The following AP3D1 variants were observed in gnomAD, a reference collection of about 807,000 sequenced individuals.
AP3D1 encodes the protein adaptor related protein complex 3 subunit delta 1.
AP3D1 carries 51 observed loss-of-function variants against 147.6 expected under a neutral mutation model. The observed-to-expected ratio is 0.35, with a 90% CI of 0.28 to 0.44. The LOEUF is 0.44. Among genes scored for constraint, AP3D1 ranks in the 20% least tolerant of loss-of-function variants. AP3D1 has a pLI of 1.00. For synonymous variants in AP3D1, 760 were observed against 663.0 expected (o/e 1.15, Z -2.25); for missense variants, 1,421 against 1,624.2 (o/e 0.87, Z 2.15).
At chr19:2,105,607 G>A (rs1357894059) in intron 31 of AP3D1, among the ~76,000 whole-genome samples, 1 of 150,638 alleles carries the variant, frequency 6.6e-6, no homozygotes, top group Non-Finnish European at 1.5e-5. Flanking sequence ...ATCTCTGTTC[G>A]GGGCTCTCAG....
In AP3D1 at chr19:2,163,491, CTT is replaced by C. The variant is rs34647490; in HGVS notation, c.-103+863_-103+864del. ...ACAGGGGTGAATCACCGCGCCTGGC[CTT>C]TTTTTTTTTTTTTGTACCCAATAAA... On this transcript the variant is annotated intron_variant, in intron 1 of 14. Coordinates refer to the AP3D1 transcript ENST00000643010. Among the ~76,000 whole-genome samples, 518 of 141,074 alleles carry C rather than the reference CTT, an allele frequency of 3.7e-3. 1 individual carries two copies. The highest frequency in any genetic ancestry group is 9.5e-3 in the African/African-American group (368 of 38,580). The allele number at this position is 141,074 out of a possible 152,430, so 92.6% of individuals were successfully genotyped here.
chr19:2,118,978 C>T, intron 14 of AP3D1, 146 bp from the exon 15 acceptor site: 3 of 717,562 alleles, frequency 4.2e-6, no homozygotes, highest in East Asian at 2.7e-5. Flanking sequence ...GGGGCTGAGA[C>T]ACGAAGTAGA....
At chr19:2,114,677 A>C in intron 21 of AP3D1, 71 bp downstream of exon 21, 1 of 832,812 alleles carries the variant, frequency 1.2e-6, no homozygotes, top group Non-Finnish European at 1.8e-6. Context: ...CCCCACCCGG[A>C]AGGGAGGACG....
At chr19:2,116,496 C>T (rs977661351) in intron 17 of AP3D1, 109 bp downstream of exon 17, 8 of 1,401,338 alleles carry the variant, frequency 5.7e-6, no homozygotes, top group Non-Finnish European at 7.5e-6. Context: ...CCCATGCCTC[C>T]ACTGCCAGGG....
chr19:2,111,480 G>A (rs2018275204), intron 25 of AP3D1, 148 bp from the exon 26 acceptor site: 9 of 1,244,374 alleles, frequency 7.2e-6, no homozygotes, highest in South Asian at 4.3e-5. Flanking sequence ...AGGGATCCCC[G>A]GCTCCCAGGA....
chr19:2,147,022 A>G (rs1268758169), intron 1 of AP3D1, among the ~76,000 whole-genome samples: 3 of 152,162 alleles, frequency 2.0e-5, no homozygotes, highest in African/African-American at 7.2e-5. Context: ...ATCTAGTGGA[A>G]TGACTGACGT....
At chr19:2,150,710 G>A (rs975425062) in intron 1 of AP3D1, among the ~76,000 whole-genome samples, 1 of 152,228 alleles carries the variant, frequency 6.6e-6, no homozygotes, top group Admixed American at 6.5e-5. Flanking sequence ...AAGGAAGAAG[G>A]AGTTTCTCCA....
intron 1 of AP3D1, among the ~76,000 whole-genome samples, chr19:2,161,784 A>G (rs1032364508): frequency 2.0e-5 from 3 of 151,808 alleles, no homozygotes; most frequent in African/African-American, 4.8e-5. Flanking sequence ...CCCTATCTCT[A>G]CTAAAAATAC....
intron 9 of AP3D1, among the ~76,000 whole-genome samples, chr19:2,126,114 G>A (rs997880925): frequency 2.0e-5 from 3 of 149,396 alleles, no homozygotes; most frequent in South Asian, 4.1e-4. Flanking sequence ...AGAGAGACGG[G>A]GTCTCACTCT....
upstream of AP3D1, among the ~76,000 whole-genome samples, chr19:2,156,547 A>C (rs569654512): frequency 2.5e-4 from 37 of 149,446 alleles, no homozygotes; most frequent in African/African-American, 9.1e-4. Flanking sequence ...ACCAATCAAC[A>C]ACGTTTATTG....
intron 6 of AP3D1, among the ~76,000 whole-genome samples, chr19:2,129,685 C>T (rs561423266): frequency 6.6e-6 from 1 of 152,356 alleles, no homozygotes; most frequent in Admixed American, 6.5e-5. Flanking sequence ...TTGCTCGGCA[C>T]TGTTGCCAGG....
intron 1 of AP3D1, among the ~76,000 whole-genome samples, chr19:2,148,007 T>C (rs1364923397): frequency 6.6e-6 from 1 of 151,320 alleles, no homozygotes. Context: ...CCATCTCTAC[T>C]AAAAATACAA....
chr19:2,137,816 G>T lies in AP3D1; in HGVS notation c.193-9C>A, dbSNP rs1227105132. On this transcript the variant is annotated splice_polypyrimidine_tract_variant and intron_variant, in intron 2 of 31. Transcript: ENST00000643116. ...TATCCCAACATCTGTAACTGTTAAG[G>T]GACGCACAGGAAATTGCACTCACAA... 1 of 1,613,416 alleles carries T rather than the reference G, an allele frequency of 6.2e-7. No individual in the cohort carries two copies. The highest frequency in any genetic ancestry group is 1.1e-5 in the South Asian group (1 of 91,040).
At chr19:2,130,086 G>C (rs938587294) in intron 6 of AP3D1, among the ~76,000 whole-genome samples, 1 of 152,310 alleles carries the variant, frequency 6.6e-6, no homozygotes, top group East Asian at 1.9e-4. Context: ...GGGACATATG[G>C]TCTAGACCAT....
chr19:2,146,058 G>A (rs902941640), intron 1 of AP3D1, among the ~76,000 whole-genome samples: 1 of 152,058 alleles, frequency 6.6e-6, no homozygotes, highest in Non-Finnish European at 1.5e-5. Context: ...TCTACGGCTT[G>A]AGTCCATTCA....
At chr19:2,117,924 C>T (rs2018504574) in intron 15 of AP3D1, among the ~76,000 whole-genome samples, 1 of 152,244 alleles carries the variant, frequency 6.6e-6, no homozygotes, top group Non-Finnish European at 1.5e-5. Context: ...CTTTGGGAGG[C>T]TGTGGAGTGT....
rs2018601699 is a variant in AP3D1 at position 2,121,211 on chromosome 19, A to G, written c.1202T>C (p.Ile401Thr). 1 of 1,614,186 alleles carries G rather than the reference A, an allele frequency of 6.2e-7. No individual in the cohort carries two copies. The highest frequency in any genetic ancestry group is 8.5e-7 in the Non-Finnish European group (1 of 1,180,008). Residue 401 changes from isoleucine to threonine, a missense_variant, in exon 13 of 32, where the codon ATT becomes ACT. Physicochemically the swap from Ile to Thr is moderately conservative, Grantham distance 89 (BLOSUM62 -1). Coordinates refer to ENST00000643116, the MANE Select transcript of AP3D1 (RefSeq NM_001261826.3). ...GTAGTTGGACTGGCTGCAGATGTCA[A>G]TGATCTTGGTGAGCAGCTCGTCACG... Reference protein sequence around the residue: ...TYRDELLTKIIDICSQSNYQY... With the variant: ...TYRDELLTKITDICSQSNYQY...
chr19:2,148,065 T>C (rs533892753), intron 1 of AP3D1, among the ~76,000 whole-genome samples: 1 of 146,490 alleles, frequency 6.8e-6, no homozygotes, highest in Non-Finnish European at 1.5e-5. Context: ...GAGAATGGCG[T>C]GAACCCGGGA....
Position 2,123,388 on chromosome 19 carries a change from T to C in AP3D1, c.925A>G (p.Arg309Gly). Residue 309 changes from arginine to glycine, a missense_variant, in exon 11 of 32, where the codon AGG (arginine) becomes GGG (glycine). By Grantham distance (125) the Arg-to-Gly change is moderately radical. This residue lies in a region of AP3D1 where 292 missense variants were observed against 412.0 expected (regional missense o/e 0.71). Coordinates refer to ENST00000643116, the MANE Select transcript of AP3D1 (RefSeq NM_001261826.3). ...ASIQLCVQKL[R>G]ILIEDSDQNL... ...TGATCGGAGTCCTCGATCAATATCCTTAATTTCTGAACACAAAGCTGAAAA... is the reference window on the plus strand; with the variant it reads ...TGATCGGAGTCCTCGATCAATATCCCTAATTTCTGAACACAAAGCTGAAAA... 6.2e-7 allele frequency: 1 copy of C among 1,613,976 alleles called. No individual in the cohort carries two copies. Among genetic ancestry groups the C allele is most frequent in the East Asian group, 2.2e-5 (1 of 44,876 alleles).
Sources: allele counts gnomAD v4.1 joint callset (sites outside exome capture counted in the v4.1 genomes callset), GRCh38; gene constraint gnomAD v4.1.1; regional missense constraint gnomAD v4.1.1; transcripts MANE v1.5; gene names NCBI Gene and HGNC (gene_info 2026-07-23, HGNC 2026-07-21).